The following COXFA4L3 variants were observed in gnomAD, a reference collection of about 807,000 sequenced individuals.
COXFA4L3 encodes the protein cytochrome c oxidase associated subunit FA4L3, also known as MIR147B host.
At chr15:45,433,107 A>T in the COXFA4L3 span, 2 of 1,283,986 alleles carry the variant, frequency 1.6e-6, no homozygotes, top group Non-Finnish European at 2.3e-6. Flanking sequence ...AGTGTGCGGA[A>T]ATGCTTCTGC....
chr15:45,433,220 A>T, the COXFA4L3 span: 1 of 566,688 alleles, frequency 1.8e-6, no homozygotes, highest in Non-Finnish European at 3.3e-6. Context: ...TTTTCTTGTA[A>T]ATTTGAATAT....
chr15:45,430,610 C>T, the COXFA4L3 span: 6 of 601,272 alleles, frequency 1.0e-5, no homozygotes, highest in African/African-American at 1.9e-5. Flanking sequence ...CCGGCCCGTT[C>T]GGTTCCGGGC....
chr15:45,430,711 G>T, the COXFA4L3 span: 1 of 1,343,212 alleles, frequency 7.4e-7, no homozygotes, highest in Non-Finnish European at 1.0e-6. Context: ...GGCCTGCGGA[G>T]CGCGGTGGAC....
the COXFA4L3 span, chr15:45,430,887 A>G: frequency 6.3e-7 from 1 of 1,575,212 alleles, no homozygotes; most frequent in Non-Finnish European, 8.7e-7. Flanking sequence ...TTTAAAGATG[A>G]AAAGATGGCA....
At chr15:45,431,293 GAAA>G in the COXFA4L3 span, 2 of 422,048 alleles carry the variant, frequency 4.7e-6, no homozygotes, top group Admixed American at 4.1e-5. Context: ...AAAAAAAAAA[GAAA>G]AAATTTAAAA....
the COXFA4L3 span, chr15:45,432,140 T>A: frequency 6.2e-7 from 1 of 1,609,842 alleles, no homozygotes; most frequent in Non-Finnish European, 8.5e-7. Context: ...AAGGTATTGT[T>A]AAATTAAAAA....
At chr15:45,432,867 G>T in the COXFA4L3 span, 1 of 1,184,168 alleles carries the variant, frequency 8.4e-7, no homozygotes, top group Non-Finnish European at 1.2e-6. Flanking sequence ...AGGGGAGTGT[G>T]GACAAATCCG....
the COXFA4L3 span, chr15:45,430,701 G>T: frequency 4.2e-6 from 5 of 1,204,242 alleles, no homozygotes; most frequent in African/African-American, 7.6e-5. Flanking sequence ...GCCCGCAGTT[G>T]GCCTGCGGAG....
chr15:45,432,749 G>T, the COXFA4L3 span, among the ~76,000 whole-genome samples: 4 of 152,084 alleles, frequency 2.6e-5, no homozygotes, highest in Non-Finnish European at 5.9e-5. Context: ...GGAGCCCAAG[G>T]GCTTTGTAAA....
chr15:45,431,030 G>T, the COXFA4L3 span: 1 of 1,614,140 alleles, frequency 6.2e-7, no homozygotes, highest in South Asian at 1.1e-5. Flanking sequence ...TCATGACTGT[G>T]GCGGCGGGTG....
the COXFA4L3 span, chr15:45,433,027 C>A: frequency 1.2e-6 from 2 of 1,609,928 alleles, no homozygotes. Flanking sequence ...CGAGCCCTCG[C>A]CTCTTTCTTC....
At chr15:45,432,373 T>C in the COXFA4L3 span, among the ~76,000 whole-genome samples, 1 of 151,242 alleles carries the variant, frequency 6.6e-6, no homozygotes, top group Non-Finnish European at 1.5e-5. Flanking sequence ...AACTTAAAAA[T>C]CTGGATACCG....
the COXFA4L3 span, chr15:45,432,251 G>A: frequency 6.4e-5 from 51 of 792,336 alleles, no homozygotes; most frequent in Non-Finnish European, 8.6e-5. Flanking sequence ...TGCCTTCATC[G>A]AGTAATTAAA....
chr15:45,430,717 T>G, the COXFA4L3 span: 1 of 1,410,112 alleles, frequency 7.1e-7, no homozygotes, highest in Non-Finnish European at 9.8e-7. Flanking sequence ...CGGAGCGCGG[T>G]GGACGGTTTG....
chr15:45,431,169 T>C, the COXFA4L3 span: 1 of 1,219,060 alleles, frequency 8.2e-7, no homozygotes, highest in Non-Finnish European at 1.1e-6. Flanking sequence ...TTTCCTATTT[T>C]TTTCCCATGG....
the COXFA4L3 span, among the ~76,000 whole-genome samples, chr15:45,432,662 TA>T: frequency 1.3e-5 from 2 of 151,690 alleles, no homozygotes; most frequent in African/African-American, 4.8e-5. Context: ...AAGACTGTCT[TA>T]AAAAAAAATC....
At chr15:45,431,067 C>A in the COXFA4L3 span, 1 of 1,613,982 alleles carries the variant, frequency 6.2e-7, no homozygotes, top group Non-Finnish European at 8.5e-7. Flanking sequence ...TGTGTATTCT[C>A]TTTGGAAAAC....
At chr15:45,430,647 G>A in the COXFA4L3 span, 2 of 675,140 alleles carry the variant, frequency 3.0e-6, no homozygotes, top group African/African-American at 1.8e-5. Flanking sequence ...CGCACCGCCC[G>A]GCGTCCAGGT....
At chr15:45,433,148 G>C in the COXFA4L3 span, 4 of 959,864 alleles carry the variant, frequency 4.2e-6, no homozygotes, top group African/African-American at 1.6e-5. Context: ...ACATTTTTTG[G>C]GCTCTGGATA....
Sources: gnomAD v4.1 joint callset for allele counts (sites outside exome capture counted in the v4.1 genomes callset) on GRCh38, gnomAD v4.1.1 for gene constraint, MANE v1.5 for transcripts, NCBI Gene and HGNC (gene_info 2026-07-23, HGNC 2026-07-21) for gene names.